Variants in ATXN1 observed in about 807,000 individuals in gnomAD.
The protein encoded by ATXN1 is ataxin 1.
Under a neutral mutation model 56.4 loss-of-function variants are expected in ATXN1, and 8 were observed. The ratio of observed to expected loss-of-function variants is 0.14; its 90% CI spans 0.08 to 0.26. The LOEUF (loss-of-function observed/expected upper bound fraction) is 0.26, where lower values mean the gene tolerates loss of function less well. ATXN1 is among the 10% of genes least tolerant of loss of function. The pLI is 1.00. For missense variants in ATXN1, 987 were observed against 1,106.5 expected (o/e 0.89, Z 1.53); for synonymous variants, 514 against 494.6 (o/e 1.04, Z -0.52).
intron 2 of ATXN1, among the ~76,000 whole-genome samples, chr6:16,741,212 A>C (rs530647881): frequency 5.3e-5 from 8 of 152,328 alleles, no homozygotes; most frequent in African/African-American, 1.9e-4. Context: ...CTATCCACTG[A>C]AACAATTTAT....
Position 16,328,428 on chromosome 6 carries a change from T to G in ATXN1, c.-118A>C. The G allele has an allele frequency of 1.5e-6, 2 of 1,343,880 alleles. No homozygotes were observed. Among genetic ancestry groups the G allele is most frequent in the South Asian group, 2.3e-5 (1 of 43,408 alleles). The allele number at this position is 1,343,880 out of a possible 1,614,324, so 83.2% of individuals were successfully genotyped here. ...GGGGATCCAGGCTCTTCATGAGGAATCATCTCCCCGTGGGTACAATCCGCC... is the reference window on the plus strand; with the variant it reads ...GGGGATCCAGGCTCTTCATGAGGAAGCATCTCCCCGTGGGTACAATCCGCC... On this transcript the variant is annotated 5_prime_UTR_variant, in exon 7 of 8. The change abolishes the stop of an existing upstream ORF in the 5' untranslated region. Coordinates refer to ENST00000436367, the MANE Select transcript of ATXN1 (RefSeq NM_001128164.2). This position sits in a 1 kb window ranked among gnomAD's most constrained non-coding sequence, Gnocchi z 6.2.
intron 6 of ATXN1, among the ~76,000 whole-genome samples, chr6:16,454,225 T>C (rs1431621434): frequency 6.7e-6 from 1 of 149,598 alleles, no homozygotes; most frequent in Non-Finnish European, 1.5e-5. Context: ...GGTACAGGGA[T>C]AGAGCAGTGA....
intron 5 of ATXN1, among the ~76,000 whole-genome samples, chr6:16,491,843 C>G (rs1481501885): frequency 6.6e-6 from 1 of 152,040 alleles, no homozygotes; most frequent in Non-Finnish European, 1.5e-5. Flanking sequence ...GGGGCTTTAC[C>G]AGGAATGAGA....
chr6:16,560,266 C>T (rs1052033268), intron 4 of ATXN1, among the ~76,000 whole-genome samples: 3 of 151,818 alleles, frequency 2.0e-5, no homozygotes, highest in Non-Finnish European at 2.9e-5. Context: ...CCCGTCTCTA[C>T]TAAAAATACA....
At chr6:16,732,901 C>T (rs1760023087) in intron 2 of ATXN1, among the ~76,000 whole-genome samples, 1 of 152,162 alleles carries the variant, frequency 6.6e-6, no homozygotes, top group African/African-American at 2.4e-5. Flanking sequence ...ACAGCTAAGA[C>T]TGCATTAAAT....
chr6:16,334,464 G>T lies in ATXN1; in HGVS notation c.-160-5994C>A, dbSNP rs996371005. Among the ~76,000 whole-genome samples, 10 of 152,206 alleles carry T rather than the reference G, an allele frequency of 6.6e-5. No homozygotes were observed. The East Asian group carries it at 1.7e-3, about 26-fold the overall frequency. ...AAAAAAAATATAATGTTCAGGCTGGGTTCAGTGGCTCACACCTGTAATCCC... is the reference window on the plus strand; with the variant it reads ...AAAAAAAATATAATGTTCAGGCTGGTTTCAGTGGCTCACACCTGTAATCCC... On this transcript the variant is annotated intron_variant, in intron 6 of 7. Coordinates refer to ENST00000436367, the MANE Select transcript of ATXN1 (RefSeq NM_001128164.2).
At position 16,327,627 on chromosome 6, in the gene ATXN1, G is replaced by C; in HGVS notation, c.684C>G (p.Ser228Arg). The C allele has an allele frequency of 6.3e-7, 1 of 1,581,744 alleles. No individual in the cohort carries two copies. The highest frequency in any genetic ancestry group is 8.6e-7 in the Non-Finnish European group (1 of 1,166,528). ...QQQQQQQQHL[S>R]RAPGLITPGS... ...CCGGGGTGATGAGCCCCGGAGCCCT[G>C]CTGAGGTGCTGCTGCTGCTGCTGCT... Residue 228 changes from serine (S) to arginine (R), a missense_variant, in exon 7 of 8, where the codon AGC (serine) becomes AGG (arginine). Ser to Arg is a moderately radical substitution (Grantham distance 110). Transcript: ENST00000436367.
intron 6 of ATXN1, among the ~76,000 whole-genome samples, chr6:16,377,044 T>C (rs941412798): frequency 1.5e-4 from 23 of 152,304 alleles, no homozygotes; most frequent in African/African-American, 4.8e-4. Flanking sequence ...CCCTCATATA[T>C]GGGATTAGTG....
intron 6 of ATXN1, among the ~76,000 whole-genome samples, chr6:16,382,889 C>CA (rs1174229496): frequency 8.8e-6 from 1 of 113,708 alleles, no homozygotes; most frequent in Non-Finnish European, 1.7e-5. Context: ...GCCTGGATGG[C>CA]AGAGGTGAAT....
intron 2 of ATXN1, among the ~76,000 whole-genome samples, chr6:16,682,460 G>C (rs1581361378): frequency 1.3e-5 from 2 of 152,138 alleles, no homozygotes; most frequent in East Asian, 3.9e-4. Context: ...GCCTCCCAAA[G>C]TGCTGGGATT....
chr6:16,329,534 TTTGA>T (rs1202807299), intron 6 of ATXN1, among the ~76,000 whole-genome samples: 1 of 152,092 alleles, frequency 6.6e-6, no homozygotes, highest in Non-Finnish European at 1.5e-5. Flanking sequence ...AAAAACCGAA[TTTGA>T]TTATGGTTAA....
chr6:16,740,460 T>A (rs1380713732), intron 2 of ATXN1, among the ~76,000 whole-genome samples: 4 of 152,170 alleles, frequency 2.6e-5, no homozygotes, highest in Admixed American at 6.5e-5. Context: ...GATTGTACAA[T>A]CTTCCCATCC....
intron 6 of ATXN1, among the ~76,000 whole-genome samples, chr6:16,411,140 A>G (rs893327372): frequency 1.3e-4 from 20 of 151,156 alleles, no homozygotes; most frequent in Non-Finnish European, 2.1e-4. Flanking sequence ...AAAAAAAAAA[A>G]AAAAAGAAAA....
intron 6 of ATXN1, among the ~76,000 whole-genome samples, chr6:16,455,582 C>G (rs748441509): frequency 3.9e-5 from 6 of 152,156 alleles, no homozygotes; most frequent in Admixed American, 2.0e-4. Context: ...CACAAATAAA[C>G]TAAAAACTTA....
At chr6:16,728,263 G>A (rs1041982611) in intron 2 of ATXN1, among the ~76,000 whole-genome samples, 5 of 152,228 alleles carry the variant, frequency 3.3e-5, no homozygotes, top group Non-Finnish European at 5.9e-5. Flanking sequence ...CAAATAAGCT[G>A]TGCGCACAGG....
chr6:16,698,107 C>T (rs1235136415), intron 2 of ATXN1, among the ~76,000 whole-genome samples: 4 of 152,134 alleles, frequency 2.6e-5, no homozygotes, highest in Admixed American at 2.0e-4. Flanking sequence ...ACAGAGGTGA[C>T]GGGGAAAGAA....
At chr6:16,740,088 A>G (rs973475958) in intron 2 of ATXN1, among the ~76,000 whole-genome samples, 4 of 152,332 alleles carry the variant, frequency 2.6e-5, no homozygotes, top group Non-Finnish European at 5.9e-5. Context: ...GTTTCCAGAT[A>G]TAAAATCTGG....
At chr6:16,432,713 C>CTTTTTTTTTTTT (rs538208868) in intron 6 of ATXN1, 1 of 143,776 alleles carries the variant, frequency 7.0e-6, no homozygotes, top group African/African-American at 2.5e-5. Context: ...TCTTCTTCTT[C>CTTTTTTTTTTTT]TTTTTTTTTT....
At chr6:16,518,343 G>A (rs1045896570) in intron 5 of ATXN1, among the ~76,000 whole-genome samples, 2 of 152,226 alleles carry the variant, frequency 1.3e-5, no homozygotes, top group African/African-American at 4.8e-5. Context: ...CGTGGCCTAT[G>A]CCCCCTCCTT....
Sources: gnomAD v4.1 joint callset for allele counts (sites outside exome capture counted in the v4.1 genomes callset) on GRCh38, gnomAD v4.1.1 for gene constraint, Gnocchi (gnomAD v3.1) non-coding constraint, MANE v1.5 for transcripts, NCBI Gene and HGNC (gene_info 2026-07-23, HGNC 2026-07-21) for gene names.